GMDS: variants seen among roughly 807,000 people sequenced by gnomAD.
The protein encoded by GMDS is GDP-mannose 4,6-dehydratase, also known as GDP-mannose 4,6 dehydratase.
Under a neutral mutation model 49.9 loss-of-function variants are expected in GMDS, and 20 were observed. The observed-to-expected ratio is 0.40, with a 90% CI of 0.28 to 0.58. The LOEUF is 0.58. Ranked by LOEUF, GMDS falls within the 20% of genes least tolerant of loss-of-function variation. The pLI is 0.42. For synonymous variants in GMDS, 177 were observed against 178.6 expected (o/e 0.99, Z 0.07); for missense variants, 362 against 481.4 (o/e 0.75, Z 2.32).
intron 7 of GMDS, among the ~76,000 whole-genome samples, chr6:1,913,388 C>CAAAAAAAAAA (rs56262461): frequency 7.7e-5 from 8 of 103,968 alleles, no homozygotes; most frequent in East Asian, 2.8e-4. Flanking sequence ...CTCAAACAAA[C>CAAAAAAAAAA]AAAAAAAAAA....
At chr6:2,196,755 C>G (rs1779290056) in intron 1 of GMDS, among the ~76,000 whole-genome samples, 1 of 152,130 alleles carries the variant, frequency 6.6e-6, no homozygotes, top group Admixed American at 6.5e-5. Flanking sequence ...CACTCTGTTA[C>G]CAAGAGGAAA....
chr6:1,952,943 C>T (rs1057463419), intron 6 of GMDS, among the ~76,000 whole-genome samples: 5 of 152,170 alleles, frequency 3.3e-5, no homozygotes, highest in Non-Finnish European at 5.9e-5. Context: ...TGGTAACCAA[C>T]GGCCCACGAG....
intron 7 of GMDS, among the ~76,000 whole-genome samples, chr6:1,753,778 T>C (rs1767829358): frequency 6.6e-6 from 1 of 152,340 alleles, no homozygotes; most frequent in Middle Eastern, 3.4e-3. Flanking sequence ...TGCTCCTGAA[T>C]GACTACTGGG....
chr6:2,065,755 G>A (rs1426939248), intron 4 of GMDS, among the ~76,000 whole-genome samples: 1 of 152,178 alleles, frequency 6.6e-6, no homozygotes, highest in African/African-American at 2.4e-5. Context: ...AAGCCTCCAA[G>A]AAATATGGGA....
chr6:2,204,560 T>C (rs928338348), intron 1 of GMDS, among the ~76,000 whole-genome samples: 2 of 152,242 alleles, frequency 1.3e-5, no homozygotes, highest in African/African-American at 4.8e-5. Context: ...AAGTGGCTAC[T>C]TAAATCAATT....
intron 1 of GMDS, among the ~76,000 whole-genome samples, chr6:2,137,427 C>T (rs558016135): frequency 7.9e-5 from 12 of 151,690 alleles, no homozygotes; most frequent in African/African-American, 2.4e-4. Context: ...TCTGCCTCCC[C>T]GGTTCAAGTG....
In GMDS at chr6:1,958,011, G is replaced by A. The variant is rs536037955; in HGVS notation, c.643+1856C>T. On this transcript the variant is annotated intron_variant, in intron 6 of 10. Transcript: ENST00000380815. The stretch of plus-strand genomic sequence containing the variant: ...TTGAGAGACAGGATCTTACTATGTT[G>A]CCCAGGCTGGTCCCAAACTCCTGGG... 2.0e-5 allele frequency among the ~76,000 whole-genome samples: 3 copies of A among 151,792 alleles called. No homozygotes were observed. The South Asian group carries it at 6.3e-4, about 32-fold the overall frequency.
intron 7 of GMDS, among the ~76,000 whole-genome samples, chr6:1,866,694 G>A (rs1479805699): frequency 6.6e-6 from 1 of 152,222 alleles, no homozygotes; most frequent in African/African-American, 2.4e-5. Flanking sequence ...TGTGTTTGGT[G>A]AAGAGCTCTG....
At chr6:2,081,809 T>C (rs1772717860) in intron 4 of GMDS, among the ~76,000 whole-genome samples, 1 of 152,126 alleles carries the variant, frequency 6.6e-6, no homozygotes, top group African/African-American at 2.4e-5. Context: ...AATGAGGTCT[T>C]TGGAATTCCA....
intron 4 of GMDS, among the ~76,000 whole-genome samples, chr6:2,036,904 G>C (rs766317451): frequency 1.3e-5 from 2 of 152,120 alleles, no homozygotes; most frequent in Non-Finnish European, 1.5e-5. Context: ...ACACACTTTC[G>C]TAAGTAAGGT....
chr6:2,032,121 A>G (rs1248170763), intron 4 of GMDS, among the ~76,000 whole-genome samples: 2 of 152,202 alleles, frequency 1.3e-5, no homozygotes. Context: ...AATCCCAGCA[A>G]AAGATAGTAT....
intron 7 of GMDS, among the ~76,000 whole-genome samples, chr6:1,883,896 T>C (rs967458667): frequency 6.6e-6 from 1 of 152,210 alleles, no homozygotes; most frequent in African/African-American, 2.4e-5. Flanking sequence ...ACACATTTAT[T>C]TAATCAAAAC....
chr6:2,175,895 A>G, intron 1 of GMDS: 1 of 1,083,034 alleles, frequency 9.2e-7, no homozygotes, highest in Non-Finnish European at 1.4e-6. Flanking sequence ...TGGCACTATG[A>G]TTAGCCCCAT....
chr6:1,820,345 C>A (rs1195616446), intron 7 of GMDS, among the ~76,000 whole-genome samples: 1 of 152,164 alleles, frequency 6.6e-6, no homozygotes, highest in African/African-American at 2.4e-5. Context: ...AATTTTCCCC[C>A]TTTGGCAGTC....
chr6:1,730,735 A>T (rs1766766604), intron 8 of GMDS, among the ~76,000 whole-genome samples: 1 of 152,192 alleles, frequency 6.6e-6, no homozygotes, highest in African/African-American at 2.4e-5. Context: ...AGATTCTCCA[A>T]CTAAAAGGCC....
chr6:1,872,489 T>A (rs1758814944), intron 7 of GMDS, among the ~76,000 whole-genome samples: 1 of 152,224 alleles, frequency 6.6e-6, no homozygotes, highest in Non-Finnish European at 1.5e-5. Context: ...CAGAACTAAC[T>A]CTTTTTGCAG....
At chr6:1,776,842 A>AT (rs1329312293) in intron 7 of GMDS, among the ~76,000 whole-genome samples, 4 of 152,154 alleles carry the variant, frequency 2.6e-5, no homozygotes, top group Non-Finnish European at 1.5e-5. Context: ...CTGAAAGACC[A>AT]TTAAACAGGA....
chr6:1,984,194 G>A (rs1334105970), intron 4 of GMDS, among the ~76,000 whole-genome samples: 1 of 152,108 alleles, frequency 6.6e-6, no homozygotes, highest in Non-Finnish European at 1.5e-5. Flanking sequence ...CACACTGCAG[G>A]GACTAACACA....
intron 7 of GMDS, among the ~76,000 whole-genome samples, chr6:1,781,415 T>C (rs1002993664): frequency 1.3e-5 from 2 of 152,236 alleles, no homozygotes; most frequent in African/African-American, 4.8e-5. Context: ...GTTGTGCTAC[T>C]CTGGGCCCTG....
Sources: allele counts gnomAD v4.1 joint callset (sites outside exome capture counted in the v4.1 genomes callset), GRCh38; gene constraint gnomAD v4.1.1; transcripts MANE v1.5; gene names NCBI Gene and HGNC (gene_info 2026-07-23, HGNC 2026-07-21).